Variants in PDS5A observed in about 807,000 individuals in gnomAD.
The protein encoded by PDS5A is sister chromatid cohesion protein PDS5 homolog A.
In PDS5A, 42 loss-of-function variants were observed where a neutral mutation model predicts 167.1. The observed-to-expected ratio is 0.25, with a 90% CI of 0.20 to 0.33. The LOEUF (loss-of-function observed/expected upper bound fraction) is 0.33, where lower values mean the gene tolerates loss of function less well. PDS5A is among the 10% of genes least tolerant of loss of function. The pLI is 1.00. For synonymous variants in PDS5A, 553 were observed against 554.6 expected (o/e 1.00, Z 0.04); for missense variants, 1,033 against 1,605.9 (o/e 0.64, Z 6.10).
chr4:39,896,842 C>T (rs936316291), intron 16 of PDS5A, among the ~76,000 whole-genome samples: 6 of 150,044 alleles, frequency 4.0e-5, no homozygotes, highest in African/African-American at 1.2e-4. Context: ...CCTAGGCCTA[C>T]GCCAGGTCAG....
At chr4:39,849,041 T>A in intron 27 of PDS5A, 71 bp from the exon 28 acceptor site, 1 of 1,083,614 alleles carries the variant, frequency 9.2e-7, no homozygotes, top group Non-Finnish European at 1.3e-6. Context: ...TTCCACTAAA[T>A]GTATAATTTA....
intron 2 of PDS5A, chr4:39,973,076 G>C (rs1730713879): frequency 4.2e-6 from 3 of 710,950 alleles, no homozygotes. Context: ...TCGATGTTTA[G>C]ATATTTTTCT....
intron 30 of PDS5A, among the ~76,000 whole-genome samples, chr4:39,842,909 T>TATATATATATATATATATATATATA (rs1717167841): frequency 1.7e-4 from 16 of 92,296 alleles, no homozygotes; most frequent in African/African-American, 7.1e-4. Context: ...TATCCTATTT[T>TATATATATATATATATATATATATA]TATATATATA....
At chr4:39,970,502 T>C (rs999556876) in intron 2 of PDS5A, among the ~76,000 whole-genome samples, 1 of 151,594 alleles carries the variant, frequency 6.6e-6, no homozygotes, top group Admixed American at 6.6e-5. Context: ...ACTCTCATTC[T>C]CTTCACATTT....
At chr4:39,826,679 G>A (rs1214632734) in intron 32 of PDS5A, among the ~76,000 whole-genome samples, 2 of 151,890 alleles carry the variant, frequency 1.3e-5, no homozygotes, top group Non-Finnish European at 2.9e-5. Context: ...TAGAGACGGT[G>A]TTTCACCATG....
At chr4:39,856,132 A>T (rs958667881) in intron 26 of PDS5A, among the ~76,000 whole-genome samples, 2 of 152,264 alleles carry the variant, frequency 1.3e-5, no homozygotes, top group Middle Eastern at 6.8e-3. Context: ...CTCAATAAGA[A>T]TAACAGCTGA....
intron 17 of PDS5A, among the ~76,000 whole-genome samples, chr4:39,887,257 T>C (rs915431377): frequency 4.6e-5 from 7 of 152,204 alleles, no homozygotes; most frequent in African/African-American, 1.7e-4. Context: ...GTGTCACATA[T>C]GGCCTTTATT....
chr4:39,910,162 G>C (rs1271666404), intron 10 of PDS5A, 82 bp downstream of exon 10: 1 of 673,972 alleles, frequency 1.5e-6, no homozygotes, highest in East Asian at 2.8e-5. Flanking sequence ...AACCTACTTG[G>C]AAAGTGAAGT....
rs759590781 is a variant in PDS5A, at chr4:39,837,938, C to T, written c.3928G>A (p.Glu1310Lys). ...AVGQESPGGLEAGNAKAPKLQ... is the reference protein window; with the variant it reads ...AVGQESPGGLKAGNAKAPKLQ... Reference sequence around the variant, plus strand: ...TTGGGTGCTTTGGCATTACCTGCTTCCAAACCCCCAGGGCTCTCCTGACCC... The same window carrying T: ...TTGGGTGCTTTGGCATTACCTGCTTTCAAACCCCCAGGGCTCTCCTGACCC... Residue 1310 changes from glutamate to lysine, a missense_variant, in exon 32 of 33, where the codon GAA becomes AAA. Around this residue, in one of 4 missense-constraint regions of PDS5A, gnomAD observed 233 missense variants for 264.0 expected, o/e 0.88. Transcript: ENST00000303538. The T allele has an allele frequency of 2.4e-5, 38 of 1,613,884 alleles. No individual in the cohort carries two copies. The highest frequency in any genetic ancestry group is 1.0e-4 in the Admixed American group (6 of 60,000).
At chr4:39,909,856 C>T (rs1430012806) in intron 10 of PDS5A, among the ~76,000 whole-genome samples, 4 of 152,128 alleles carry the variant, frequency 2.6e-5, no homozygotes, top group Non-Finnish European at 5.9e-5. Context: ...ATTAAATAGA[C>T]ATAATGATTT....
In PDS5A at chr4:39,862,988, G is replaced by T. The variant is rs1175953702; in HGVS notation, c.2852C>A (p.Ala951Glu). The T allele has an allele frequency of 6.2e-7, 1 of 1,612,716 alleles. No homozygotes were observed. The highest frequency in any genetic ancestry group is 8.5e-7 in the Non-Finnish European group (1 of 1,179,006). ...ATCTTTGGCACACAAGGCAAAGATCGCCATATACTCCAATGGGAGCAGTAA... is the reference window on the plus strand; with the variant it reads ...ATCTTTGGCACACAAGGCAAAGATCTCCATATACTCCAATGGGAGCAGTAA... ...VKLLLPLEYM[A>E]IFALCAKDPV... Residue 951 changes from alanine (A) to glutamate (E), a missense_variant, in exon 25 of 33, where the codon GCG becomes GAG. Coordinates refer to ENST00000303538, the MANE Select transcript of PDS5A (RefSeq NM_001100399.2).
chr4:39,926,114 G>A (rs1000881892), intron 4 of PDS5A, among the ~76,000 whole-genome samples, 181 bp from the exon 5 acceptor site: 1 of 151,690 alleles, frequency 6.6e-6, no homozygotes, highest in African/African-American at 2.4e-5. Context: ...ATACCTGATG[G>A]CATCAATTTT....
At chr4:39,873,477 C>T (rs1720215859) in intron 20 of PDS5A, among the ~76,000 whole-genome samples, 1 of 152,146 alleles carries the variant, frequency 6.6e-6, no homozygotes, top group African/African-American at 2.4e-5. Flanking sequence ...GGTTTTCTTA[C>T]CCTGTGGAAG....
intron 2 of PDS5A, among the ~76,000 whole-genome samples, chr4:39,958,238 G>A (rs1432245870): frequency 6.6e-6 from 1 of 152,042 alleles, no homozygotes; most frequent in Non-Finnish European, 1.5e-5. Context: ...CAGGCATGGT[G>A]GTTCACACCT....
At chr4:39,964,127 C>A (rs1214488736) in intron 2 of PDS5A, among the ~76,000 whole-genome samples, 2 of 152,094 alleles carry the variant, frequency 1.3e-5, no homozygotes, top group Non-Finnish European at 2.9e-5. Flanking sequence ...ACAAAAAGAA[C>A]CACAGAGAAA....
At chr4:39,840,889 G>A (rs1208992625) in intron 31 of PDS5A, among the ~76,000 whole-genome samples, 1 of 151,256 alleles carries the variant, frequency 6.6e-6, no homozygotes, top group African/African-American at 2.4e-5. Context: ...TGAGTAGCTG[G>A]GATTACAGGT....
rs1358631634 is a variant in PDS5A, at chr4:39,824,244, G to C, written c.*1241C>G. On this transcript the variant is annotated 3_prime_UTR_variant, in exon 33 of 33. Coordinates refer to ENST00000303538, the MANE Select transcript of PDS5A (RefSeq NM_001100399.2). ...ATAATGGAGAGTTGACTGTAATCAT[G>C]TTATGACTTTAGCTCTTTAACATGA... 6.6e-6 allele frequency: 1 copy of C among 152,122 alleles called. No individual in the cohort carries two copies. The highest frequency in any genetic ancestry group is 1.9e-4 in the East Asian group (1 of 5,196). 9.4% of individuals were successfully genotyped at this position (152,122 alleles called of 1,614,324 possible).
intron 2 of PDS5A, among the ~76,000 whole-genome samples, chr4:39,930,237 A>C (rs1376088094): frequency 7.7e-6 from 1 of 129,896 alleles, no homozygotes; most frequent in African/African-American, 2.6e-5. Flanking sequence ...AAAAAAAAAA[A>C]AAAAAAAAAG....
At chr4:39,923,554 G>A (rs1353769523) in intron 5 of PDS5A, among the ~76,000 whole-genome samples, 1 of 150,258 alleles carries the variant, frequency 6.7e-6, no homozygotes, top group Non-Finnish European at 1.5e-5. Context: ...GAGGATCACT[G>A]GAGCCCAGGA....
Sources: gnomAD v4.1 joint callset for allele counts (sites outside exome capture counted in the v4.1 genomes callset) on GRCh38, gnomAD v4.1.1 for gene constraint, gnomAD v4.1.1 regional missense constraint, MANE v1.5 for transcripts, NCBI Gene and HGNC (gene_info 2026-07-23, HGNC 2026-07-21) for gene names.